Variants in GALNT13 observed in about 807,000 individuals in gnomAD.
The protein encoded by GALNT13 is UDP-GalNAc:polypeptide N-acetylgalactosaminyltransferase 13.
In GALNT13, 28 loss-of-function variants were observed where a neutral mutation model predicts 64.2. That is an observed-to-expected ratio of 0.44 (90% confidence interval 0.32 to 0.60). The LOEUF (loss-of-function observed/expected upper bound fraction) is 0.60, where lower values mean the gene tolerates loss of function less well. Ranked by LOEUF, GALNT13 falls within the 20% of genes least tolerant of loss-of-function variation. The pLI is 0.05. For missense variants in GALNT13, 577 were observed against 669.8 expected, an observed-to-expected ratio of 0.86 and a Z score of 1.53; for synonymous variants, 214 against 224.6, an observed-to-expected ratio of 0.95 and a Z score of 0.42.
the GALNT13 span, among the ~76,000 whole-genome samples, chr2:153,683,936 C>A: frequency 1.3e-5 from 2 of 151,578 alleles, no homozygotes; most frequent in South Asian, 2.1e-4. Context: ...TGACAAGAAA[C>A]AATTACCTCT....
chr2:153,801,750 A>G, the GALNT13 span, among the ~76,000 whole-genome samples: 1 of 152,176 alleles, frequency 6.6e-6, no homozygotes, highest in African/African-American at 2.4e-5. Flanking sequence ...GGCTTGTTGG[A>G]CTCAGGGTTG....
At chr2:153,984,242 T>C (rs1317331192) in intron 3 of GALNT13, among the ~76,000 whole-genome samples, 1 of 151,806 alleles carries the variant, frequency 6.6e-6, no homozygotes, top group Non-Finnish European at 1.5e-5. Context: ...TTGGGTTTAT[T>C]GCAGGCTTAA....
the GALNT13 span, among the ~76,000 whole-genome samples, chr2:153,085,278 G>A: frequency 6.6e-6 from 1 of 152,172 alleles, no homozygotes; most frequent in African/African-American, 2.4e-5. Flanking sequence ...ATTTTCTGAG[G>A]AGAAATTCAA....
At chr2:154,373,683 A>G (rs1008452114) in intron 9 of GALNT13, among the ~76,000 whole-genome samples, 6 of 152,170 alleles carry the variant, frequency 3.9e-5, no homozygotes, top group Admixed American at 3.3e-4. Context: ...CTTTACTTAC[A>G]TCATCATTAA....
chr2:154,283,707 ATG>A (rs544149049), intron 8 of GALNT13, among the ~76,000 whole-genome samples: 7 of 151,972 alleles, frequency 4.6e-5, no homozygotes, highest in South Asian at 2.1e-4. Context: ...ACACATCTAT[ATG>A]TGTGTGTGTG....
the GALNT13 span, among the ~76,000 whole-genome samples, chr2:153,440,906 A>G: frequency 6.6e-6 from 1 of 151,654 alleles, no homozygotes; most frequent in Non-Finnish European, 1.5e-5. Context: ...TTACCTCTTC[A>G]CTCTGATGAT....
chr2:153,377,397 G>T, the GALNT13 span, among the ~76,000 whole-genome samples: 138 of 152,204 alleles, frequency 9.1e-4, no homozygotes, highest in African/African-American at 3.2e-3. Context: ...GTGTGGTGGT[G>T]CTAGGGGGTG....
the GALNT13 span, among the ~76,000 whole-genome samples, chr2:153,576,793 A>T: frequency 6.6e-6 from 1 of 152,068 alleles, no homozygotes; most frequent in Admixed American, 6.6e-5. Context: ...CGGGGGTTAC[A>T]ATTAATGGAT....
At chr2:153,553,988 G>A in the GALNT13 span, among the ~76,000 whole-genome samples, 83 of 152,060 alleles carry the variant, frequency 5.5e-4, no homozygotes, top group African/African-American at 1.9e-3. Flanking sequence ...AGTATCTTGA[G>A]TGTCTTGTGT....
chr2:153,652,821 A>G, the GALNT13 span, among the ~76,000 whole-genome samples: 2 of 152,172 alleles, frequency 1.3e-5, no homozygotes, highest in Non-Finnish European at 2.9e-5. Flanking sequence ...AAAAACAGCT[A>G]TATTCAGATT....
the GALNT13 span, among the ~76,000 whole-genome samples, chr2:153,401,080 T>C: frequency 6.6e-6 from 1 of 152,086 alleles, no homozygotes; most frequent in Admixed American, 6.5e-5. Context: ...TAAATTTCCC[T>C]CTACACACTG....
At chr2:154,024,917 G>C (rs1162329833) in intron 3 of GALNT13, among the ~76,000 whole-genome samples, 1 of 152,158 alleles carries the variant, frequency 6.6e-6, no homozygotes, top group Non-Finnish European at 1.5e-5. Flanking sequence ...TAACAGACAG[G>C]ACCCTCAGCT....
At chr2:154,160,944 A>G (rs1047304233) in intron 4 of GALNT13, among the ~76,000 whole-genome samples, 2 of 152,180 alleles carry the variant, frequency 1.3e-5, no homozygotes, top group Non-Finnish European at 2.9e-5. Flanking sequence ...ATTTGGGGGT[A>G]ACTTATCATT....
At chr2:154,427,385 G>C (rs964553052) in intron 11 of GALNT13, among the ~76,000 whole-genome samples, 5 of 152,168 alleles carry the variant, frequency 3.3e-5, no homozygotes, top group African/African-American at 1.2e-4. Flanking sequence ...GTAAGAGAGT[G>C]CTAAATGAAA....
At chr2:154,318,414 G>T (rs1039101437) in intron 9 of GALNT13, among the ~76,000 whole-genome samples, 1 of 152,130 alleles carries the variant, frequency 6.6e-6, no homozygotes, top group Non-Finnish European at 1.5e-5. Flanking sequence ...GGATGTGGTA[G>T]CTTAAAGAAA....
intron 3 of GALNT13, among the ~76,000 whole-genome samples, chr2:153,976,515 G>C (rs909595278): frequency 6.6e-6 from 1 of 152,004 alleles, no homozygotes. Context: ...TAGTTTATCA[G>C]AATAACATTT....
the GALNT13 span, among the ~76,000 whole-genome samples, chr2:153,165,187 C>T: frequency 0.055 from 8,302 of 152,234 alleles, 266 homozygotes; most frequent in East Asian, 0.1. Flanking sequence ...TTGGCAATGA[C>T]ATTTAGCAGC....
chr2:153,683,083 T>C, the GALNT13 span, among the ~76,000 whole-genome samples: 1 of 151,734 alleles, frequency 6.6e-6, no homozygotes, highest in Admixed American at 6.6e-5. Context: ...TGCGGCTCCA[T>C]TGACTAAGAT....
At chr2:154,101,770 G>C (rs1041635842) in intron 3 of GALNT13, among the ~76,000 whole-genome samples, 1 of 151,814 alleles carries the variant, frequency 6.6e-6, no homozygotes, top group East Asian at 1.9e-4. Context: ...TTTCTTTTTG[G>C]TGTAGACATT....
Sources: gnomAD v4.1 joint callset for allele counts (sites outside exome capture counted in the v4.1 genomes callset) on GRCh38, gnomAD v4.1.1 for gene constraint, MANE v1.5 for transcripts, NCBI Gene and HGNC (gene_info 2026-07-23, HGNC 2026-07-21) for gene names.